Variants in FLRT2 observed in about 807,000 individuals in gnomAD.
The protein encoded by FLRT2 is leucine-rich repeat transmembrane protein FLRT2.
A neutral mutation model predicts 40.0 loss-of-function variants in FLRT2; 15 were observed. That is an observed-to-expected ratio of 0.38 (90% CI 0.25 to 0.58). The LOEUF is 0.58. FLRT2 is among the 20% of genes least tolerant of loss of function. The probability of loss-of-function intolerance (pLI) is 0.71; values close to 1 mark genes in which losing one functional copy is unlikely to be tolerated. For missense variants in FLRT2, 726 were observed against 840.0 expected (o/e 0.86, Z 1.68); for synonymous variants, 380 against 336.8 (o/e 1.13, Z -1.41).
intron 1 of FLRT2, among the ~76,000 whole-genome samples, chr14:85,614,414 GC>G (rs1893031709): frequency 6.6e-6 from 1 of 152,020 alleles, no homozygotes. Context: ...TAAGTCAGGT[GC>G]CCTTTGTCAT....
At chr14:85,551,412 A>G (rs1479460304) in intron 1 of FLRT2, among the ~76,000 whole-genome samples, 1 of 152,168 alleles carries the variant, frequency 6.6e-6, no homozygotes, top group African/African-American at 2.4e-5. Flanking sequence ...ACTGGTGGAA[A>G]TTACCTTCTA....
chr14:85,587,287 G>GA (rs748034839), intron 1 of FLRT2, among the ~76,000 whole-genome samples: 2,715 of 88,136 alleles, frequency 0.031, 80 homozygotes, highest in African/African-American at 0.089. Context: ...CTAAGGAATG[G>GA]AAAAAAAAAA....
intron 1 of FLRT2, among the ~76,000 whole-genome samples, chr14:85,559,684 A>G (rs1358022307): frequency 2.0e-5 from 3 of 151,860 alleles, no homozygotes; most frequent in East Asian, 3.9e-4. Flanking sequence ...GTTTAATATG[A>G]TCATTATTTT....
chr14:85,631,573 T>G lies in FLRT2; in HGVS notation c.*8076T>G, dbSNP rs1233068124. On this transcript the variant is annotated 3_prime_UTR_variant, in exon 2 of 2. Coordinates refer to ENST00000330753, the MANE Select transcript of FLRT2 (RefSeq NM_013231.6). ...TTTTTTTAATAGCCCCAGAAAGAGCTGTGGAGTTCTGACTTGTGCAAAATT... is the reference window on the plus strand; with the variant it reads ...TTTTTTTAATAGCCCCAGAAAGAGCGGTGGAGTTCTGACTTGTGCAAAATT... 1 of 152,184 alleles carries G rather than the reference T, an allele frequency of 6.6e-6. No homozygotes were observed. The highest frequency in any genetic ancestry group is 1.5e-5 in the Non-Finnish European group (1 of 68,048). 9.4% of individuals were successfully genotyped at this position (152,184 alleles called of 1,614,324 possible). A position where few individuals can be genotyped will look rare whatever the true frequency, so the allele number is the denominator to read the frequency against.
Position 85,625,751 on chromosome 14 carries a change from T to C in FLRT2, c.*2254T>C. On this transcript the variant is annotated 3_prime_UTR_variant, in exon 2 of 2. Coordinates refer to ENST00000330753, the MANE Select transcript of FLRT2 (RefSeq NM_013231.6). Reference sequence around the variant, plus strand: ...GCTGGATAATTCCCTTCTACTGTCCTCTTCCCCTTGGCTGTGTAGATAAAA... The same window carrying C: ...GCTGGATAATTCCCTTCTACTGTCCCCTTCCCCTTGGCTGTGTAGATAAAA... 1.2e-5 allele frequency: 2 copies of C among 167,260 alleles called. No individual in the cohort carries two copies. The allele number at this position is 167,260 out of a possible 1,614,324, so 10.4% of individuals were successfully genotyped here.
chr14:85,567,801 CG>C (rs1890698890), intron 1 of FLRT2, among the ~76,000 whole-genome samples: 1 of 151,830 alleles, frequency 6.6e-6, no homozygotes, highest in African/African-American at 2.4e-5. Flanking sequence ...CCACCATGGC[CG>C]GCTACTTTTT....
At chr14:85,588,057 G>T (rs767980735) in intron 1 of FLRT2, among the ~76,000 whole-genome samples, 1 of 151,926 alleles carries the variant, frequency 6.6e-6, no homozygotes, top group Non-Finnish European at 1.5e-5. Flanking sequence ...TCAGCCTCCC[G>T]AGTGATATTT....
At chr14:85,547,237 T>C (rs1294471075) in intron 1 of FLRT2, among the ~76,000 whole-genome samples, 1 of 152,178 alleles carries the variant, frequency 6.6e-6, no homozygotes, top group Non-Finnish European at 1.5e-5. Context: ...CTGACCTAAA[T>C]TTAGGATGTG....
At chr14:85,546,436 T>C (rs1346159579) in intron 1 of FLRT2, among the ~76,000 whole-genome samples, 1 of 152,144 alleles carries the variant, frequency 6.6e-6, no homozygotes, top group South Asian at 2.1e-4. Context: ...AATGGAATCC[T>C]TGGTGGGGCT....
rs945768380 is a variant in FLRT2 at position 85,636,824 on chromosome 14, G to A, written c.*13327G>A. On this transcript the variant is annotated 3_prime_UTR_variant, in exon 2 of 2. Coordinates refer to ENST00000330753, the MANE Select transcript of FLRT2 (RefSeq NM_013231.6). ...GGCGCCTGTTATCCCAGCTACTTGGGAGGCTGAGGCAGCAGAATTGCTTGA... is the reference window on the plus strand; with the variant it reads ...GGCGCCTGTTATCCCAGCTACTTGGAAGGCTGAGGCAGCAGAATTGCTTGA... 2 of 150,986 alleles carry A rather than the reference G, an allele frequency of 1.3e-5. No individual in the cohort carries two copies. Among genetic ancestry groups the A allele is most frequent in the African/African-American group, 4.9e-5 (2 of 41,048 alleles). 9.4% of individuals were successfully genotyped at this position (150,986 alleles called of 1,614,324 possible).
chr14:85,538,049 T>G (rs1356060278), intron 1 of FLRT2, among the ~76,000 whole-genome samples: 1 of 152,152 alleles, frequency 6.6e-6, no homozygotes, highest in East Asian at 1.9e-4. Flanking sequence ...AAGAAGTCCT[T>G]CTCTTGCAAG....
At position 85,653,107 on chromosome 14, in the gene FLRT2, T is replaced by A. The variant is rs980454808; in HGVS notation, c.*29610T>A. 4 of 152,220 alleles carry A rather than the reference T, an allele frequency of 2.6e-5. No individual in the cohort carries two copies. The highest frequency in any genetic ancestry group is 9.6e-5 in the African/African-American group (4 of 41,452). The allele number at this position is 152,220 out of a possible 1,614,324, so 9.4% of individuals were successfully genotyped here. On this transcript the variant is annotated 3_prime_UTR_variant, in exon 2 of 2. Coordinates refer to ENST00000330753, the MANE Select transcript of FLRT2 (RefSeq NM_013231.6). ...GGCAGCAAATGGTTCCAGACATTTA[T>A]AATTATGCATCTGAAGTCAGAACAC...
chr14:85,622,902 G>A lies in FLRT2; in HGVS notation c.1388G>A (p.Gly463Glu). 1.2e-6 allele frequency: 2 copies of A among 1,614,162 alleles called. No homozygotes were observed. The highest frequency in any genetic ancestry group is 1.7e-6 in the Non-Finnish European group (2 of 1,180,034). ...TWVKMGHSLV[G>E]GIVQERIVSG... Reference sequence around the variant, plus strand: ...GTGAAAATGGGCCACAGTTTAGTAGGGGGCATCGTTCAGGAGCGCATAGTC... The same window carrying A: ...GTGAAAATGGGCCACAGTTTAGTAGAGGGCATCGTTCAGGAGCGCATAGTC... The change falls in exon 2 of 2, where the codon GGG becomes GAG. Residue 463 changes from glycine to glutamate, a missense_variant. By Grantham distance (98) the Gly-to-Glu change is moderately conservative. This residue lies in a region of FLRT2 where 611 missense variants were observed against 690.0 expected (regional missense o/e 0.89). Coordinates refer to ENST00000330753, the MANE Select transcript of FLRT2 (RefSeq NM_013231.6).
In FLRT2 at chr14:85,621,894, C is replaced by T. The variant is rs749697862; in HGVS notation, c.380C>T (p.Ala127Val). 110 of 1,606,422 alleles carry T rather than the reference C, an allele frequency of 6.8e-5. No individual in the cohort carries two copies. The highest frequency in any genetic ancestry group is 1.1e-5 in the South Asian group (1 of 89,636). Residue 127 changes from alanine (A) to valine (V), a missense_variant, in exon 2 of 2, where the codon GCT becomes GTT. This residue lies in a region of FLRT2 where 611 missense variants were observed against 690.0 expected (regional missense o/e 0.89). Transcript: ENST00000330753. ...AACAATATTCAGACCATTTCACGGG[C>T]TGCTCTTGCCCAGCTCTTGAAGCTT... ...QENNIQTISR[A>V]ALAQLLKLEE...
intron 1 of FLRT2, among the ~76,000 whole-genome samples, chr14:85,579,925 A>ATT (rs4015970): frequency 0.074 from 8,731 of 117,518 alleles, 600 homozygotes; most frequent in East Asian, 0.16. Flanking sequence ...GGGTATTAGA[A>ATT]TTTTTTTTTT....
chr14:85,544,344 G>T (rs1029738506), intron 1 of FLRT2, among the ~76,000 whole-genome samples: 1 of 152,032 alleles, frequency 6.6e-6, no homozygotes, highest in South Asian at 2.1e-4. Flanking sequence ...TAAAACTATC[G>T]GTTACGTAGA....
At chr14:85,539,181 C>T (rs1054899707) in intron 1 of FLRT2, among the ~76,000 whole-genome samples, 6 of 151,926 alleles carry the variant, frequency 3.9e-5, no homozygotes, top group African/African-American at 1.5e-4. Flanking sequence ...TCACAACTGC[C>T]TCTGAATTTA....
At chr14:85,561,836 C>T (rs551646538) in intron 1 of FLRT2, among the ~76,000 whole-genome samples, 31 of 152,270 alleles carry the variant, frequency 2.0e-4, no homozygotes, top group Non-Finnish European at 2.9e-4. Flanking sequence ...TAGATAGCCC[C>T]GGTCTTTGGT....
At chr14:85,608,587 T>A (rs1595081217) in intron 1 of FLRT2, among the ~76,000 whole-genome samples, 2 of 152,216 alleles carry the variant, frequency 1.3e-5, no homozygotes, top group African/African-American at 4.8e-5. Context: ...GATGGATTTT[T>A]ATTTAATTGT....
Sources: gnomAD v4.1 joint callset for allele counts (sites outside exome capture counted in the v4.1 genomes callset) on GRCh38, gnomAD v4.1.1 for gene constraint, gnomAD v4.1.1 regional missense constraint, MANE v1.5 for transcripts, NCBI Gene and HGNC (gene_info 2026-07-23, HGNC 2026-07-21) for gene names.